JAKMIP1: variants seen among roughly 807,000 people sequenced by gnomAD.
JAKMIP1 encodes the protein janus kinase and microtubule interacting protein 1.
Under a neutral mutation model 113.0 loss-of-function variants are expected in JAKMIP1, and 33 were observed. The ratio of observed to expected loss-of-function variants is 0.29; its 90% CI spans 0.22 to 0.39. The LOEUF (loss-of-function observed/expected upper bound fraction) is 0.39. Ranked by LOEUF, JAKMIP1 falls within the 10% of genes least tolerant of loss-of-function variation. JAKMIP1 has a pLI of 1.00. For synonymous variants in JAKMIP1, 480 were observed against 459.9 expected, an observed-to-expected ratio of 1.04 and a Z score of -0.56; for missense variants, 813 against 1,080.5, an observed-to-expected ratio of 0.75 and a Z score of 3.47.
rs2109040892 is a variant in JAKMIP1 at position 6,181,284 on chromosome 4, G to A, written c.-148+18969C>T. Among the ~76,000 whole-genome samples the A allele has an allele frequency of 6.6e-6, 1 of 152,308 alleles. No homozygotes were observed. The highest frequency in any genetic ancestry group is 2.1e-4 in the South Asian group (1 of 4,820). On this transcript the variant is annotated intron_variant, in intron 1 of 20. Coordinates refer to ENST00000409021, the MANE Select transcript of JAKMIP1 (RefSeq NM_001099433.2). This position sits in a 1 kb window ranked among gnomAD's most constrained non-coding sequence, Gnocchi z 5.4. ...TCTCAAGAAAGCAGTTCCAGAAAGGGTGGAGGGGAGGGTCATGCTGAGAGA... is the reference window on the plus strand; with the variant it reads ...TCTCAAGAAAGCAGTTCCAGAAAGGATGGAGGGGAGGGTCATGCTGAGAGA...
At chr4:6,195,497 C>T (rs934657135) in intron 1 of JAKMIP1, among the ~76,000 whole-genome samples, 1 of 152,092 alleles carries the variant, frequency 6.6e-6, no homozygotes, top group Non-Finnish European at 1.5e-5. Context: ...GAATTGTCAA[C>T]AAATTTTTGA....
intron 3 of JAKMIP1, among the ~76,000 whole-genome samples, chr4:6,105,074 G>A (rs1161587375): frequency 6.6e-6 from 1 of 152,224 alleles, no homozygotes; most frequent in East Asian, 1.9e-4. Flanking sequence ...TTTCAAAACA[G>A]GACTATTTGC....
At chr4:6,038,720 A>C (rs1713898128) in intron 18 of JAKMIP1, among the ~76,000 whole-genome samples, 1 of 152,224 alleles carries the variant, frequency 6.6e-6, no homozygotes, top group African/African-American at 2.4e-5. Flanking sequence ...GAAGGCTGGA[A>C]TCTGTTCCCT....
intron 1 of JAKMIP1, among the ~76,000 whole-genome samples, chr4:6,122,688 T>C (rs574733681): frequency 6.6e-6 from 1 of 152,246 alleles, no homozygotes; most frequent in African/African-American, 2.4e-5. Context: ...CCCTGAACTG[T>C]TGTTTCGTCA....
In JAKMIP1 at chr4:6,049,719, C is replaced by T; in HGVS notation, c.1962+100G>A. The T allele has an allele frequency of 1.1e-6, 1 of 875,578 alleles. No individual in the cohort carries two copies. The highest frequency in any genetic ancestry group is 1.5e-5 in the South Asian group (1 of 66,994). The allele number at this position is 875,578 out of a possible 1,614,324, so 54.2% of individuals were successfully genotyped here. A position where few individuals can be genotyped will look rare whatever the true frequency, so the allele number is the denominator to read the frequency against. On this transcript the variant is annotated intron_variant, in intron 15 of 20. Coordinates refer to ENST00000409021, the MANE Select transcript of JAKMIP1 (RefSeq NM_001099433.2). The surrounding 1 kb of genome is among the most constrained non-coding windows in gnomAD (Gnocchi z 7.0). ...TACATTGTACTTCTTAGATCTCTTA[C>T]ATCAGAGAGAAATTAAAAACAAAAC...
intron 11 of JAKMIP1, among the ~76,000 whole-genome samples, chr4:6,057,041 G>T (rs1350259647): frequency 6.6e-6 from 1 of 152,084 alleles, no homozygotes; most frequent in East Asian, 1.9e-4. Context: ...AGGGTGACTG[G>T]TCCACACTGG....
chr4:6,189,379 A>G (rs1726987057), intron 1 of JAKMIP1, among the ~76,000 whole-genome samples: 1 of 152,242 alleles, frequency 6.6e-6, no homozygotes, highest in South Asian at 2.1e-4. Context: ...GCATTATAGT[A>G]TCTGAGGCTC....
At position 6,061,985 on chromosome 4, in the gene JAKMIP1, G is replaced by A. The variant is rs1333963934; in HGVS notation, c.1560+327C>T. Among the ~76,000 whole-genome samples the A allele has an allele frequency of 6.6e-6, 1 of 152,204 alleles. No individual in the cohort carries two copies. The highest frequency in any genetic ancestry group is 1.5e-5 in the Non-Finnish European group (1 of 68,022). ...GGGGCTGGCAGCCCTGGAGGGAGCG[G>A]AGCCTGAAGCCTGCAAGCCAGCCAA... On this transcript the variant is annotated intron_variant, in intron 10 of 20. Coordinates refer to ENST00000409021, the MANE Select transcript of JAKMIP1 (RefSeq NM_001099433.2). This position sits in a 1 kb window ranked among gnomAD's most constrained non-coding sequence, Gnocchi z 5.3.
chr4:6,065,413 G>A lies in JAKMIP1; in HGVS notation c.1303-405C>T, dbSNP rs753315186. ...CACTCCGTCACGCTCCATGAGCAGCGCACTGGCTGTACCAAGGAGAAGGGG... is the reference window on the plus strand; with the variant it reads ...CACTCCGTCACGCTCCATGAGCAGCACACTGGCTGTACCAAGGAGAAGGGG... On this transcript the variant is annotated intron_variant, in intron 8 of 20. Coordinates refer to ENST00000409021, the MANE Select transcript of JAKMIP1 (RefSeq NM_001099433.2). The surrounding 1 kb of genome is among the most constrained non-coding windows in gnomAD (Gnocchi z 5.1). Among the ~76,000 whole-genome samples, 7 of 152,210 alleles carry A rather than the reference G, an allele frequency of 4.6e-5. No individual in the cohort carries two copies. Among genetic ancestry groups the A allele is most frequent in the South Asian group, 2.1e-4 (1 of 4,830 alleles).
At chr4:6,133,720 G>T (rs1237875037) in intron 1 of JAKMIP1, among the ~76,000 whole-genome samples, 1 of 152,236 alleles carries the variant, frequency 6.6e-6, no homozygotes. Context: ...CAGCAAGTGT[G>T]TTCCCCACGG....
At position 6,085,490 on chromosome 4, in the gene JAKMIP1, C is replaced by T. The variant is rs756089004; in HGVS notation, c.764G>A (p.Arg255Gln). ...CTCTCTCTTTGGACTACTGTGGTGC[C>T]GCTCGGCCTCCTTGACCTGAACCAG... Reference protein sequence around the residue: ...EQLVQVKEAERHHSSPKRELP... With the variant: ...EQLVQVKEAEQHHSSPKRELP... Residue 255 changes from arginine (R) to glutamine (Q), a missense_variant, in exon 4 of 21, where the codon CGG becomes CAG. Around this residue, in one of 2 missense-constraint regions of JAKMIP1, gnomAD observed 540 missense variants for 653.9 expected, o/e 0.83. Coordinates refer to ENST00000409021, the MANE Select transcript of JAKMIP1 (RefSeq NM_001099433.2). The T allele has an allele frequency of 5.6e-6, 9 of 1,614,026 alleles. No homozygotes were observed. The highest frequency in any genetic ancestry group is 3.3e-5 in the South Asian group (3 of 91,088).
At chr4:6,053,831 A>G in intron 13 of JAKMIP1, 1 of 1,374,792 alleles carries the variant, frequency 7.3e-7, no homozygotes. Context: ...GTACATGTCC[A>G]TAGACTTGGG....
At chr4:6,182,178 C>T (rs976945620) in intron 1 of JAKMIP1, among the ~76,000 whole-genome samples, 1 of 151,556 alleles carries the variant, frequency 6.6e-6, no homozygotes, top group South Asian at 2.1e-4. Context: ...TTTGGGAGGC[C>T]GGGGAAGGTG....
chr4:6,109,068 A>C (rs1714440599), intron 2 of JAKMIP1, among the ~76,000 whole-genome samples: 1 of 150,606 alleles, frequency 6.6e-6, no homozygotes, highest in Non-Finnish European at 1.5e-5. Flanking sequence ...GACCCCTTAG[A>C]GAAACTGCTG....
chr4:6,042,360 G>T lies in JAKMIP1; in HGVS notation c.2029-133C>A. 1 of 706,268 alleles carries T rather than the reference G, an allele frequency of 1.4e-6. No homozygotes were observed. Among genetic ancestry groups the T allele is most frequent in the Non-Finnish European group, 2.5e-6 (1 of 397,142 alleles). The allele number at this position is 706,268 out of a possible 1,614,324, so 43.8% of individuals were successfully genotyped here. ...GTGCTCAGGAATGGGTCAGGTCATG[G>T]CACACACATGCCTGATCTGTGGATG... On this transcript the variant is annotated intron_variant, in intron 16 of 20. Transcript: ENST00000409021. This position sits in a 1 kb window ranked among gnomAD's most constrained non-coding sequence, Gnocchi z 5.2.
At chr4:6,146,229 T>TC (rs1553852712) in intron 1 of JAKMIP1, among the ~76,000 whole-genome samples, 4 of 135,700 alleles carry the variant, frequency 2.9e-5, no homozygotes, top group East Asian at 2.1e-4. Context: ...TGCCAGGGGC[T>TC]GGGGGGAGGT....
Position 6,181,094 on chromosome 4 carries a change from T to C in JAKMIP1, c.-148+19159A>G, listed in dbSNP as rs79774739. Among the ~76,000 whole-genome samples, 1,464 of 151,964 alleles carry C rather than the reference T, an allele frequency of 9.6e-3. 30 individuals carry two copies. The highest frequency in any genetic ancestry group is 0.033 in the African/African-American group (1,357 of 41,424). ...TGACTTCCAAGCAAAGGGCAACTTC[T>C]TTTTGTGGTTTCTACATCCTTTCTA... On this transcript the variant is annotated intron_variant, in intron 1 of 20. Transcript: ENST00000409021. This position sits in a 1 kb window ranked among gnomAD's most constrained non-coding sequence, Gnocchi z 5.4.
intron 18 of JAKMIP1, among the ~76,000 whole-genome samples, chr4:6,039,405 T>C (rs1386105063): frequency 6.6e-6 from 1 of 152,198 alleles, no homozygotes; most frequent in Non-Finnish European, 1.5e-5. Flanking sequence ...TTCAGAGTTT[T>C]CCAACTTTAT....
rs1445966296 is a variant in JAKMIP1 at position 6,051,394 on chromosome 4, G to A, written c.1807-715C>T. ...CGCGCCACCACACCGGGCTAATTTTGTATTTAGATTTTGTTTCTTTTTTAG... is the reference window on the plus strand; with the variant it reads ...CGCGCCACCACACCGGGCTAATTTTATATTTAGATTTTGTTTCTTTTTTAG... On this transcript the variant is annotated intron_variant, in intron 13 of 20. Transcript: ENST00000409021. This position sits in a 1 kb window ranked among gnomAD's most constrained non-coding sequence, Gnocchi z 5.0. Among the ~76,000 whole-genome samples the A allele has an allele frequency of 6.6e-6, 1 of 152,020 alleles. No homozygotes were observed. Among genetic ancestry groups the A allele is most frequent in the Non-Finnish European group, 1.5e-5 (1 of 68,000 alleles).
Sources: allele counts gnomAD v4.1 joint callset (sites outside exome capture counted in the v4.1 genomes callset), GRCh38; gene constraint gnomAD v4.1.1; regional missense constraint gnomAD v4.1.1; non-coding constraint Gnocchi (gnomAD v3.1); transcripts MANE v1.5; gene names NCBI Gene and HGNC (gene_info 2026-07-23, HGNC 2026-07-21).